Variants in TXNDC9 observed in about 807,000 individuals in gnomAD.
TXNDC9 encodes thioredoxin domain containing 9.
TXNDC9 carries 7 observed loss-of-function variants against 23.0 expected under a neutral mutation model. The observed-to-expected ratio is 0.30, with a 90% CI of 0.17 to 0.57. The LOEUF (loss-of-function observed/expected upper bound fraction) is 0.57, where lower values mean the gene tolerates loss of function less well. Among genes scored for constraint, TXNDC9 ranks in the 20% least tolerant of loss-of-function variants. TXNDC9 has a pLI of 0.90. For synonymous variants in TXNDC9, 72 were observed against 90.6 expected, an observed-to-expected ratio of 0.79 and a Z score of 1.17; for missense variants, 198 against 252.6, an observed-to-expected ratio of 0.78 and a Z score of 1.47.
At chr2:99,311,188 G>A in the TXNDC9 span, among the ~76,000 whole-genome samples, 1 of 152,092 alleles carries the variant, frequency 6.6e-6, no homozygotes, top group African/African-American at 2.4e-5. Context: ...ACCACACTGG[G>A]CTAATGTTTA....
In TXNDC9 at chr2:99,319,737, A is replaced by G. The variant is rs757231348; in HGVS notation, c.626T>C (p.Leu209Pro). The G allele has an allele frequency of 6.2e-7, 1 of 1,605,646 alleles. No homozygotes were observed. The highest frequency in any genetic ancestry group is 8.5e-7 in the Non-Finnish European group (1 of 1,177,632). ...QKKFGTNFTK[L>P]EKKTIRGKKY... ...CTTTCCTCGGATAGTTTTCTTTTCC[A>G]GCTTTGTGAAGTTTGTTCCAAATTT... Residue 209 changes from leucine (L) to proline (P), a missense_variant, in exon 5 of 5, where the codon CTG (leucine) becomes CCG (proline). Leu to Pro is a moderately conservative substitution (Grantham distance 98, BLOSUM62 -3). Transcript: ENST00000264255.
At chr2:99,333,271 TA>T in intron 1 of TXNDC9, 29 bp from the exon 2 acceptor site, 1 of 1,519,848 alleles carries the variant, frequency 6.6e-7, no homozygotes, top group Non-Finnish European at 8.8e-7. Flanking sequence ...AAATACATTT[TA>T]AAAAATGCAA....
downstream of TXNDC9, among the ~76,000 whole-genome samples, chr2:99,316,957 G>C (rs201605740): frequency 4.6e-5 from 7 of 151,952 alleles, no homozygotes; most frequent in South Asian, 2.1e-4. Flanking sequence ...GGGGTTTCAC[G>C]GTGTTAGCCA....
intron 4 of TXNDC9, among the ~76,000 whole-genome samples, chr2:99,320,172 T>A (rs1287372441): frequency 6.6e-6 from 1 of 152,130 alleles, no homozygotes; most frequent in Non-Finnish European, 1.5e-5. Flanking sequence ...CATGCTCAGT[T>A]AATTTTTACA....
At chr2:99,335,026 T>C (rs1414783623) in intron 1 of TXNDC9, among the ~76,000 whole-genome samples, 2 of 152,224 alleles carry the variant, frequency 1.3e-5, no homozygotes, top group Non-Finnish European at 2.9e-5. Flanking sequence ...AAATTTTACT[T>C]CTTTTAAAAG....
intron 1 of TXNDC9, 66 bp from the exon 2 acceptor site, chr2:99,333,308 T>C: frequency 8.6e-6 from 12 of 1,388,748 alleles, no homozygotes; most frequent in Non-Finnish European, 1.2e-5. Context: ...TTCTCTACCA[T>C]TTTCAAAAAT....
At chr2:99,327,229 C>T (rs1041740190) in intron 3 of TXNDC9, among the ~76,000 whole-genome samples, 3 of 152,152 alleles carry the variant, frequency 2.0e-5, no homozygotes, top group Middle Eastern at 6.8e-3. Context: ...CCTGCCACCA[C>T]ACCCGGCTAA....
the TXNDC9 span, among the ~76,000 whole-genome samples, chr2:99,307,103 C>T: frequency 0.45 from 46,175 of 102,220 alleles, 7,026 homozygotes; most frequent in Admixed American, 0.57. Context: ...TCTCTCTCTC[C>T]TTCTCACTCT....
At chr2:99,313,043 T>C in the TXNDC9 span, among the ~76,000 whole-genome samples, 1 of 152,044 alleles carries the variant, frequency 6.6e-6, no homozygotes, top group African/African-American at 2.4e-5. Flanking sequence ...ATGCCTGTAA[T>C]GACAGCTACT....
chr2:99,316,107 A>G (rs976220888), downstream of TXNDC9, among the ~76,000 whole-genome samples: 1 of 119,872 alleles, frequency 8.3e-6, no homozygotes, highest in Non-Finnish European at 1.7e-5. Flanking sequence ...AAAGCTTTGC[A>G]TTTCTTTTTC....
downstream of TXNDC9, among the ~76,000 whole-genome samples, chr2:99,318,706 A>G (rs1033236852): frequency 1.2e-4 from 19 of 152,212 alleles, no homozygotes; most frequent in Non-Finnish European, 1.9e-4. Flanking sequence ...GGCAAAAGCA[A>G]CTAAGGCCCA....
chr2:99,322,716 G>T, intron 3 of TXNDC9: 1 of 1,438,314 alleles, frequency 7.0e-7, no homozygotes, highest in South Asian at 1.5e-5. Flanking sequence ...AAATAAATGT[G>T]GCCATTATGC....
rs747150646 is a variant in TXNDC9, at chr2:99,333,235, C to T, written c.-25G>A. ...TTCTTCCAAATGGTACAGAGTTCAG[C>T]CTGGGTGCTGGGGAGAAGATTTACA... On this transcript the variant is annotated 5_prime_UTR_variant, in exon 2 of 5. Coordinates refer to ENST00000264255, the MANE Select transcript of TXNDC9 (RefSeq NM_005783.4). The T allele has an allele frequency of 1.4e-4, 227 of 1,598,878 alleles. No individual in the cohort carries two copies. The highest frequency in any genetic ancestry group is 1.8e-4 in the Non-Finnish European group (213 of 1,171,324).
chr2:99,315,968 A>C (rs13427512), downstream of TXNDC9, among the ~76,000 whole-genome samples: 5 of 152,144 alleles, frequency 3.3e-5, no homozygotes, highest in African/African-American at 1.2e-4. Flanking sequence ...TCAACTTGTC[A>C]ATTTTTGCAA....
chr2:99,327,551 T>C lies in TXNDC9; in HGVS notation c.292A>G (p.Arg98Gly). ...ESENVVCHFY[R>G]DSTFRCKILD... ...CAAAGTTACCTGAATGTGGAGTCTC[T>C]GTAGAAATGGCAAACCACATTTTCA... Residue 98 changes from arginine to glycine, a missense_variant, in exon 3 of 5, where the codon AGA (arginine) becomes GGA (glycine). Arg to Gly is a moderately radical substitution (Grantham distance 125). Transcript: ENST00000264255. The C allele has an allele frequency of 6.2e-7, 1 of 1,611,944 alleles. No homozygotes were observed. Among genetic ancestry groups the C allele is most frequent in the Middle Eastern group, 1.7e-4 (1 of 5,890 alleles).
the TXNDC9 span, among the ~76,000 whole-genome samples, chr2:99,311,206 T>C: frequency 1.3e-5 from 2 of 152,144 alleles, no homozygotes; most frequent in Non-Finnish European, 2.9e-5. Context: ...TTAAATTTTG[T>C]TTTCCAACTG....
chr2:99,327,575 C>T lies in TXNDC9; in HGVS notation c.268G>A (p.Glu90Lys). 1.2e-6 allele frequency: 2 copies of T among 1,613,618 alleles called. No homozygotes were observed. The highest frequency in any genetic ancestry group is 1.7e-6 in the Non-Finnish European group (2 of 1,179,798). The change falls in exon 3 of 5, where the codon GAA becomes AAA. Residue 90 changes from glutamate (E) to lysine (K), a missense_variant. Physicochemically the swap from Glu to Lys is moderately conservative, Grantham distance 56. Transcript: ENST00000264255. ...RDFFQEVKES[E>K]NVVCHFYRDS... ...CTGTAGAAATGGCAAACCACATTTT[C>T]ACTCTCCTTGACTTCTTGAAAAAAG...
chr2:99,314,453 T>G (rs2094183931), downstream of TXNDC9, among the ~76,000 whole-genome samples: 1 of 151,996 alleles, frequency 6.6e-6, no homozygotes, highest in South Asian at 2.1e-4. Context: ...TACAATGTGT[T>G]AGGTATTATA....
At chr2:99,317,694 T>A (rs541683311), downstream of TXNDC9, among the ~76,000 whole-genome samples, 5 of 152,004 alleles carry the variant, frequency 3.3e-5, no homozygotes, top group Non-Finnish European at 2.9e-5. Flanking sequence ...CCGAGGCTGG[T>A]CTTGTACTCC....
Sources: allele counts gnomAD v4.1 joint callset (sites outside exome capture counted in the v4.1 genomes callset), GRCh38; gene constraint gnomAD v4.1.1; transcripts MANE v1.5; gene names NCBI Gene and HGNC (gene_info 2026-07-23, HGNC 2026-07-21).